Variants in RYR3 observed in about 807,000 individuals in gnomAD.
The protein encoded by RYR3 is ryanodine receptor 3.
Under a neutral mutation model 584.3 loss-of-function variants are expected in RYR3, and 207 were observed. The ratio of observed to expected loss-of-function variants is 0.35; its 90% CI spans 0.32 to 0.40. The LOEUF is 0.40. RYR3 is among the 10% of genes least tolerant of loss of function. The probability of loss-of-function intolerance (pLI) is 1.00; values close to 1 mark genes in which losing one functional copy is unlikely to be tolerated. For synonymous variants in RYR3, 2,416 were observed against 2,248.5 expected, an observed-to-expected ratio of 1.07 and a Z score of -2.11; for missense variants, 5,616 against 6,089.2, an observed-to-expected ratio of 0.92 and a Z score of 2.59.
At chr15:33,316,322 A>G (rs1233121492) in intron 1 of RYR3, among the ~76,000 whole-genome samples, 2 of 152,150 alleles carry the variant, frequency 1.3e-5, no homozygotes, top group African/African-American at 4.8e-5. Flanking sequence ...AGAATTTTTA[A>G]CTTAGAAGCC....
Position 33,780,271 on chromosome 15 carries a change from C to A in RYR3, c.9198C>A (p.Phe3066Leu). The A allele has an allele frequency of 6.2e-7, 1 of 1,613,898 alleles. No homozygotes were observed. Among genetic ancestry groups the A allele is most frequent in the Non-Finnish European group, 8.5e-7 (1 of 1,179,818 alleles). ...TGGCAGCTGCCATACCAGTGGCATT[C>A]CTGGAGCCCACCCTTAATCGCTACA... ...ASLAAAIPVA[F>L]LEPTLNRYNP... Residue 3066 changes from phenylalanine to leucine, a missense_variant, in exon 65 of 104, where the codon TTC (phenylalanine) becomes TTA (leucine). Coordinates refer to ENST00000634891, the MANE Select transcript of RYR3 (RefSeq NM_001036.6).
chr15:33,797,015 C>T (rs1017736109), intron 67 of RYR3, among the ~76,000 whole-genome samples: 1 of 152,140 alleles, frequency 6.6e-6, no homozygotes, highest in African/African-American at 2.4e-5. Flanking sequence ...AACAGAAACT[C>T]GAATACCACA....
At chr15:33,511,567 A>C (rs1333214015) in intron 3 of RYR3, among the ~76,000 whole-genome samples, 1 of 150,382 alleles carries the variant, frequency 6.6e-6, no homozygotes, top group African/African-American at 2.4e-5. Context: ...TTCACTTGTG[A>C]GTGTTCAGGG....
chr15:33,418,227 T>G (rs1434162474), intron 1 of RYR3, among the ~76,000 whole-genome samples: 2 of 152,012 alleles, frequency 1.3e-5, no homozygotes, highest in Non-Finnish European at 2.9e-5. Context: ...CTTCCTCGAT[T>G]TTTTGGAATA....
rs1371580402 is a variant in RYR3, at chr15:33,311,733, G to A, written c.51+637G>A. Among the ~76,000 whole-genome samples, 1 of 152,232 alleles carries A rather than the reference G, an allele frequency of 6.6e-6. No individual in the cohort carries two copies. The highest frequency in any genetic ancestry group is 1.5e-5 in the Non-Finnish European group (1 of 68,038). On this transcript the variant is annotated intron_variant, in intron 1 of 103. Transcript: ENST00000634891. This position sits in a 1 kb window ranked among gnomAD's most constrained non-coding sequence, Gnocchi z 4.4. Reference sequence around the variant, plus strand: ...GACTGACTGCCTGTCGTGTGTTCGAGAGCTGTGGCTTCTGCTCCTGGCTCC... The same window carrying A: ...GACTGACTGCCTGTCGTGTGTTCGAAAGCTGTGGCTTCTGCTCCTGGCTCC...
intron 1 of RYR3, among the ~76,000 whole-genome samples, chr15:33,379,784 A>G (rs1282099803): frequency 6.6e-6 from 1 of 151,696 alleles, no homozygotes; most frequent in African/African-American, 2.4e-5. Context: ...AATGGGGAAG[A>G]GAGAAGCCAG....
Position 33,852,934 on chromosome 15 carries a change from G to C in RYR3, c.13629-111G>C, listed in dbSNP as rs113417091. 3.4e-4 allele frequency: 310 copies of C among 907,238 alleles called. No individual in the cohort carries two copies. The African/African-American group carries it at 4.3e-3, about 13-fold the overall frequency. The allele number at this position is 907,238 out of a possible 1,614,324, so 56.2% of individuals were successfully genotyped here. A position where few individuals can be genotyped will look rare whatever the true frequency, so the allele number is the denominator to read the frequency against. ...AGATCTTAAAATTCTTTGGTGAGCA[G>C]GACACAAACCAGAAAGATCCCAGAT... On this transcript the variant is annotated intron_variant, in intron 94 of 103. Coordinates refer to ENST00000634891, the MANE Select transcript of RYR3 (RefSeq NM_001036.6).
intron 49 of RYR3, among the ~76,000 whole-genome samples, chr15:33,737,163 G>A (rs1243785552): frequency 6.6e-6 from 1 of 151,996 alleles, no homozygotes; most frequent in Non-Finnish European, 1.5e-5. Context: ...GCACAGCCAC[G>A]GCTTACTGCA....
At position 33,747,814 on chromosome 15, in the gene RYR3, A is replaced by G. The variant is rs946692442; in HGVS notation, c.7990-300A>G. On this transcript the variant is annotated intron_variant, in intron 53 of 103. Coordinates refer to ENST00000634891, the MANE Select transcript of RYR3 (RefSeq NM_001036.6). ...ATTTTGACAATCTTCAACAACTACT[A>G]GAACATGAGGAGCCACTCTCCCATT... Among the ~76,000 whole-genome samples, 4 of 152,170 alleles carry G rather than the reference A, an allele frequency of 2.6e-5. No individual in the cohort carries two copies. In the South Asian group the frequency reaches 6.2e-4, roughly 24 times the overall value.
chr15:33,431,542 C>T (rs575436259), intron 1 of RYR3, among the ~76,000 whole-genome samples: 49 of 152,102 alleles, frequency 3.2e-4, no homozygotes, highest in African/African-American at 1.1e-3. Context: ...GTGGGCAGAT[C>T]GCTTGAGTCC....
At chr15:33,518,567 A>G (rs896443696) in intron 3 of RYR3, among the ~76,000 whole-genome samples, 1 of 152,164 alleles carries the variant, frequency 6.6e-6, no homozygotes, top group Non-Finnish European at 1.5e-5. Flanking sequence ...GTCAGGTTTT[A>G]CTGTCAGCCC....
At chr15:33,408,661 G>GT (rs1368122698) in intron 1 of RYR3, among the ~76,000 whole-genome samples, 1 of 151,940 alleles carries the variant, frequency 6.6e-6, no homozygotes, top group African/African-American at 2.4e-5. Context: ...ACTAGCATCG[G>GT]TTTTTTTGAC....
intron 2 of RYR3, among the ~76,000 whole-genome samples, chr15:33,488,859 A>T (rs2142464935): frequency 6.6e-6 from 1 of 152,100 alleles, no homozygotes; most frequent in Non-Finnish European, 1.5e-5. Context: ...TCAAAAAACA[A>T]ACAAACAAAC....
intron 16 of RYR3, among the ~76,000 whole-genome samples, chr15:33,598,599 C>T (rs2059505480): frequency 6.6e-6 from 1 of 151,216 alleles, no homozygotes; most frequent in Non-Finnish European, 1.5e-5. Flanking sequence ...GGGTCTTAGG[C>T]TATAGACTGC....
chr15:33,675,170 G>T (rs1043924729), intron 38 of RYR3, among the ~76,000 whole-genome samples: 5 of 152,186 alleles, frequency 3.3e-5, no homozygotes, highest in African/African-American at 1.2e-4. Context: ...TGTAATATTT[G>T]GTCTCCCAGT....
rs150230326 is a variant in RYR3 at position 33,727,767 on chromosome 15, C to T, written c.7034-1090C>T. On this transcript the variant is annotated intron_variant, in intron 46 of 103. Coordinates refer to ENST00000634891, the MANE Select transcript of RYR3 (RefSeq NM_001036.6). ...TTCCTTATGAAGTCCCACACTTTTC[C>T]GGTACAGTATTTAAATATGCTGTGG... Among the ~76,000 whole-genome samples the T allele has an allele frequency of 1.4e-4, 22 of 152,250 alleles. No homozygotes were observed. In the East Asian group the frequency reaches 2.5e-3, roughly 17 times the overall value.
At position 33,769,668 on chromosome 15, in the gene RYR3, C is replaced by T. The variant is rs182729499; in HGVS notation, c.8816+496C>T. ...CAAATGATGAGACTGAAAAGAGAGA[C>T]GCAGGCCAGGCGCGGTGGCTCATGC... On this transcript the variant is annotated intron_variant, in intron 62 of 103. Transcript: ENST00000634891. Among the ~76,000 whole-genome samples the T allele has an allele frequency of 1.2e-4, 19 of 152,242 alleles. No homozygotes were observed. In the East Asian group the frequency reaches 3.1e-3, roughly 25 times the overall value.
At chr15:33,668,577 A>C (rs1325278018) in intron 36 of RYR3, among the ~76,000 whole-genome samples, 1 of 152,212 alleles carries the variant, frequency 6.6e-6, no homozygotes, top group Non-Finnish European at 1.5e-5. Context: ...ATTAAGCATA[A>C]ATTAAAGCAA....
intron 1 of RYR3, among the ~76,000 whole-genome samples, chr15:33,452,152 T>G (rs1043867471): frequency 5.9e-5 from 9 of 152,202 alleles, no homozygotes; most frequent in African/African-American, 2.2e-4. Context: ...AGCCTTTCTT[T>G]TAGAGTAAGC....
Sources: gnomAD v4.1 joint callset for allele counts (sites outside exome capture counted in the v4.1 genomes callset) on GRCh38, gnomAD v4.1.1 for gene constraint, Gnocchi (gnomAD v3.1) non-coding constraint, MANE v1.5 for transcripts, NCBI Gene and HGNC (gene_info 2026-07-23, HGNC 2026-07-21) for gene names.